Variants in TLE6 observed in about 807,000 individuals in gnomAD.
TLE6 encodes the protein TLE family member 6, subcortical maternal complex member.
TLE6 carries 72 observed loss-of-function variants against 77.1 expected under a neutral mutation model. The ratio of observed to expected loss-of-function variants is 0.93; its 90% confidence interval spans 0.77 to 1.14. The LOEUF (loss-of-function observed/expected upper bound fraction) is 1.14. TLE6 is among the 50% of genes most tolerant of loss of function. The probability of loss-of-function intolerance (pLI) is 0.00; values close to 1 mark genes in which losing one functional copy is unlikely to be tolerated. For missense variants in TLE6, 843 were observed against 747.6 expected (o/e 1.13, Z -1.49); for synonymous variants, 366 against 287.3 (o/e 1.27, Z -2.77).
chr19:2,978,738 CAGTG>C (rs1477979816), intron 2 of TLE6, among the ~76,000 whole-genome samples: 2 of 152,098 alleles, frequency 1.3e-5, no homozygotes, highest in East Asian at 1.9e-4. Flanking sequence ...TCCTTGGTGA[CAGTG>C]AGATCCCATC....
In TLE6 at chr19:2,978,267, C is replaced by A. The variant is rs999135701; in HGVS notation, c.34C>A (p.Pro12Thr). 3 of 1,551,456 alleles carry A rather than the reference C, an allele frequency of 1.9e-6. No individual in the cohort carries two copies. The Admixed American group carries it at 5.9e-5, about 30-fold the overall frequency. The change falls in exon 2 of 17, where the codon CCC becomes ACC. Residue 12 changes from proline (P) to threonine (T), a missense_variant. Pro to Thr is a conservative substitution (Grantham distance 38). Transcript: ENST00000246112. ...TAGGGACCAGCCCAGACCCAAGGGC[C>A]CCCCGAAAAGCACTTCGGTGAGGAG... is the stretch of plus-strand genomic sequence containing the variant. ...TSRDQPRPKGPPKSTSPCPGI... is the reference protein window; with the variant it reads ...TSRDQPRPKGTPKSTSPCPGI...
intron 13 of TLE6, among the ~76,000 whole-genome samples, chr19:2,991,597 G>T (rs1669938613): frequency 6.6e-6 from 1 of 150,692 alleles, no homozygotes; most frequent in Non-Finnish European, 1.5e-5. Context: ...CAGGGTGGAA[G>T]AGGCAAGGGG....
At chr19:2,978,338 G>T (rs2145008734) in intron 2 of TLE6, 54 bp downstream of exon 2, 1 of 1,538,922 alleles carries the variant, frequency 6.5e-7, no homozygotes, top group Non-Finnish European at 8.8e-7. Context: ...GGCCCAATGT[G>T]GTTCTGCCCC....
At chr19:2,985,042 G>C (rs1405545355) in intron 5 of TLE6, among the ~76,000 whole-genome samples, 1 of 151,766 alleles carries the variant, frequency 6.6e-6, no homozygotes, top group Non-Finnish European at 1.5e-5. Flanking sequence ...CCTGACGTCA[G>C]GAGTTCGAGA....
At chr19:2,987,697 G>T (rs760803683) in intron 8 of TLE6, 27 bp from the exon 9 acceptor site, 49 of 1,613,566 alleles carry the variant, frequency 3.0e-5, no homozygotes, top group Middle Eastern at 1.6e-4. Context: ...AGGTCAGCAG[G>T]CCTGATGAGA....
In TLE6 at chr19:2,987,920, C is replaced by T. The variant is rs1237330327; in HGVS notation, c.648C>T (p.Ser216=). The change falls in exon 10 of 17, where the codon TCC becomes TCT. Residue 216 remains serine (S), a synonymous_variant. Coordinates refer to ENST00000246112, the MANE Select transcript of TLE6 (RefSeq NM_001143986.2). The part of the protein sequence containing the change: ...DASTPRPPEA[S]SSPPEGSQDR... Reference sequence around the variant, plus strand: ...TAGCCCCCAGGCCACCTGAGGCCTCCTCCAGTCCCCCTGAGGGTTCCCAAG... The same window carrying T: ...TAGCCCCCAGGCCACCTGAGGCCTCTTCCAGTCCCCCTGAGGGTTCCCAAG... 3.1e-6 allele frequency: 5 copies of T among 1,610,116 alleles called. No individual in the cohort carries two copies. The African/African-American group carries it at 6.7e-5, about 22-fold the overall frequency.
At chr19:2,982,341 C>G (rs1341378694) in intron 5 of TLE6, among the ~76,000 whole-genome samples, 152 bp downstream of exon 5, 1 of 144,868 alleles carries the variant, frequency 6.9e-6, no homozygotes, top group Non-Finnish European at 1.5e-5. Context: ...AGTTCGAGAC[C>G]AGCCTGATCA....
chr19:2,989,491 A>G (rs776895212), intron 12 of TLE6, 44 bp from the exon 13 acceptor site: 2 of 1,588,448 alleles, frequency 1.3e-6, no homozygotes, highest in Admixed American at 1.7e-5. Flanking sequence ...TCCAGGCAGA[A>G]TGCCACGGGG....
At chr19:2,993,299 C>A in intron 14 of TLE6, 133 bp from the exon 15 acceptor site, 2 of 884,030 alleles carry the variant, frequency 2.3e-6, no homozygotes, top group South Asian at 2.1e-5. Context: ...TACGAAGTTG[C>A]TTGTCCCAGG....
intron 14 of TLE6, among the ~76,000 whole-genome samples, chr19:2,992,239 G>A (rs190941297): frequency 6.6e-5 from 10 of 152,200 alleles, no homozygotes; most frequent in Non-Finnish European, 1.3e-4. Context: ...TTTGGAGGCC[G>A]AGGAGGGCAA....
Position 2,993,478 on chromosome 19 carries a change from G to C in TLE6, c.1433G>C (p.Gly478Ala), listed in dbSNP as rs1467994398. Residue 478 changes from glycine (G) to alanine (A), a missense_variant, in exon 15 of 17, where the codon GGC becomes GCC. Gly to Ala is a moderately conservative substitution (Grantham distance 60). Coordinates refer to ENST00000246112, the MANE Select transcript of TLE6 (RefSeq NM_001143986.2). ...HSPQEDWVLLGMANGQQWLQS... is the reference protein window; with the variant it reads ...HSPQEDWVLLAMANGQQWLQS... ...CCCCAGGAGGACTGGGTGCTGCTGG[G>C]CATGGCCAATGGCCAGCAGTGGCTG... The C allele has an allele frequency of 4.4e-6, 7 of 1,603,098 alleles. No individual in the cohort carries two copies. The South Asian group carries it at 6.6e-5, about 15-fold the overall frequency.
intron 5 of TLE6, among the ~76,000 whole-genome samples, chr19:2,985,972 G>T (rs1003979438): frequency 6.8e-6 from 1 of 146,228 alleles, no homozygotes; most frequent in African/African-American, 2.5e-5. Context: ...TACTTGGGAG[G>T]CTGAGGCAGG....
chr19:2,985,640 C>A (rs1302905326), intron 5 of TLE6, among the ~76,000 whole-genome samples: 1 of 147,028 alleles, frequency 6.8e-6, no homozygotes, highest in Non-Finnish European at 1.5e-5. Context: ...AGGATGGTCT[C>A]AATCTCCTGA....
intron 4 of TLE6, among the ~76,000 whole-genome samples, chr19:2,981,931 T>C (rs10445608): frequency 0.21 from 31,653 of 151,700 alleles, 3,790 homozygotes; most frequent in Non-Finnish European, 0.28. Flanking sequence ...GAGATCACAC[T>C]GTACTGCAGC....
rs2088937097 is a variant in TLE6, at chr19:2,987,318, C to T, written c.542-38C>T. The stretch of plus-strand genomic sequence containing the variant: ...GCTGTGCAGTGAACCCTGCTGTTCT[C>T]TCTGTCCCCCTCCTCCTCTCCGTTG... On this transcript the variant is annotated intron_variant, in intron 7 of 16. Transcript: ENST00000246112. 5 of 1,614,176 alleles carry T rather than the reference C, an allele frequency of 3.1e-6. 1 individual carries two copies. Among genetic ancestry groups the T allele is most frequent in the Non-Finnish European group, 2.5e-6 (3 of 1,180,010 alleles).
rs754073462 is a variant in TLE6 at position 2,994,886 on chromosome 19, T to A, written c.1615-14T>A. The A allele has an allele frequency of 1.3e-6, 2 of 1,554,402 alleles. No homozygotes were observed. The highest frequency in any genetic ancestry group is 1.8e-6 in the Non-Finnish European group (2 of 1,139,394). Reference sequence around the variant, plus strand: ...AGCCCTACCCCAGCTCACTGCCCACTGCCCCCCCTCCAGGTGCCTGAGATG... The same window carrying A: ...AGCCCTACCCCAGCTCACTGCCCACAGCCCCCCCTCCAGGTGCCTGAGATG... On this transcript the variant is annotated splice_polypyrimidine_tract_variant and intron_variant, in intron 16 of 16. Coordinates refer to ENST00000246112, the MANE Select transcript of TLE6 (RefSeq NM_001143986.2).
intron 5 of TLE6, among the ~76,000 whole-genome samples, chr19:2,983,249 T>C (rs554106713): frequency 3.3e-5 from 5 of 152,236 alleles, no homozygotes; most frequent in African/African-American, 1.2e-4. Flanking sequence ...CAAATACTGT[T>C]GTAGAAGCCA....
chr19:2,988,114 G>C lies in TLE6; in HGVS notation c.726G>C (p.Arg242=). ...AGGAGCCTCCTGGAAGAGCCTCTCGGTTTCTACAGTCCATGTAAGTGTCTG... is the reference window on the plus strand; with the variant it reads ...AGGAGCCTCCTGGAAGAGCCTCTCGCTTTCTACAGTCCATGTAAGTGTCTG... ...VVQEPPGRAS[R]FLQSISWDPE... is the part of the protein sequence containing the mutation. Residue 242 remains arginine, a synonymous_variant, in exon 11 of 17, where the codon CGG becomes CGC. Transcript: ENST00000246112. The C allele has an allele frequency of 6.4e-7, 1 of 1,551,890 alleles. No individual in the cohort carries two copies. The highest frequency in any genetic ancestry group is 8.7e-7 in the Non-Finnish European group (1 of 1,147,086).
At chr19:2,992,298 C>G (rs1179539072) in intron 14 of TLE6, among the ~76,000 whole-genome samples, 1 of 152,142 alleles carries the variant, frequency 6.6e-6, no homozygotes, top group East Asian at 1.9e-4. Context: ...CATGGTGAAA[C>G]CCCGTCTCTA....
Sources: gnomAD v4.1 joint callset for allele counts (sites outside exome capture counted in the v4.1 genomes callset) on GRCh38, gnomAD v4.1.1 for gene constraint, MANE v1.5 for transcripts, NCBI Gene and HGNC (gene_info 2026-07-23, HGNC 2026-07-21) for gene names.